Variants in SOX6 observed in about 807,000 individuals in gnomAD.
SOX6 encodes the protein transcription factor SOX-6.
Under a neutral mutation model 97.8 loss-of-function variants are expected in SOX6, and 11 were observed. The observed-to-expected ratio is 0.11, with a 90% confidence interval of 0.07 to 0.19. The LOEUF is 0.19. SOX6 is among the 10% of genes least tolerant of loss of function. The pLI is 1.00. For synonymous variants in SOX6, 360 were observed against 371.4 expected, an observed-to-expected ratio of 0.97 and a Z score of 0.35; for missense variants, 810 against 1,039.5, an observed-to-expected ratio of 0.78 and a Z score of 3.04.
chr11:16,402,367 T>A (rs1363874285), intron 1 of SOX6, among the ~76,000 whole-genome samples: 1 of 151,716 alleles, frequency 6.6e-6, no homozygotes, highest in Non-Finnish European at 1.5e-5. Context: ...TTTTATTCAG[T>A]GTGCATTTGA....
intron 1 of SOX6, among the ~76,000 whole-genome samples, chr11:16,462,345 TTC>T (rs1859947452): frequency 6.6e-6 from 1 of 152,244 alleles, no homozygotes; most frequent in South Asian, 2.1e-4. Flanking sequence ...TCACATCTGT[TTC>T]TGGTACTGTC....
chr11:16,475,365 A>G (rs1860222717), intron 1 of SOX6, among the ~76,000 whole-genome samples: 2 of 152,294 alleles, frequency 1.3e-5, no homozygotes, highest in Middle Eastern at 6.8e-3. Flanking sequence ...CAAAGTTGTC[A>G]TTCGTAGCTG....
At chr11:16,400,123 G>T (rs1858510557) in intron 1 of SOX6, among the ~76,000 whole-genome samples, 1 of 151,402 alleles carries the variant, frequency 6.6e-6, no homozygotes. Context: ...CAAGACACTG[G>T]CGAATATGAG....
At chr11:16,227,630 C>T (rs951914091) in intron 4 of SOX6, among the ~76,000 whole-genome samples, 2 of 152,066 alleles carry the variant, frequency 1.3e-5, no homozygotes, top group Admixed American at 6.6e-5. Flanking sequence ...ATACTTGAGG[C>T]ACTCTCTACT....
At chr11:16,148,069 A>G (rs1850359686) in intron 6 of SOX6, among the ~76,000 whole-genome samples, 1 of 152,202 alleles carries the variant, frequency 6.6e-6, no homozygotes, top group Non-Finnish European at 1.5e-5. Context: ...TTTTATAGCC[A>G]TTGAAATGTA....
intron 3 of SOX6, among the ~76,000 whole-genome samples, chr11:16,287,775 C>T (rs1854796138): frequency 6.6e-6 from 1 of 152,044 alleles, no homozygotes; most frequent in Non-Finnish European, 1.5e-5. Context: ...TCCTGGTATA[C>T]TCATTTATAC....
At chr11:16,337,429 C>T (rs1172030706) in intron 2 of SOX6, among the ~76,000 whole-genome samples, 1 of 152,046 alleles carries the variant, frequency 6.6e-6, no homozygotes, top group African/African-American at 2.4e-5. Context: ...AAAAATATTC[C>T]TCTCCATGCT....
chr11:16,169,884 A>C (rs2134082058), intron 6 of SOX6, among the ~76,000 whole-genome samples: 1 of 151,280 alleles, frequency 6.6e-6, no homozygotes, highest in East Asian at 2.0e-4. Flanking sequence ...TATTTCACAA[A>C]AAATTAAAAT....
chr11:16,047,134 T>C (rs1855857925), intron 11 of SOX6, among the ~76,000 whole-genome samples: 1 of 152,072 alleles, frequency 6.6e-6, no homozygotes, highest in African/African-American at 2.4e-5. Flanking sequence ...GCTGTGATAA[T>C]ACAACACAGT....
At chr11:16,409,592 C>T (rs1209381484) in intron 1 of SOX6, among the ~76,000 whole-genome samples, 1 of 152,088 alleles carries the variant, frequency 6.6e-6, no homozygotes, top group African/African-American at 2.4e-5. Flanking sequence ...TAAATTTTAA[C>T]TAATTCTATA....
chr11:16,072,168 G>A (rs568888614), intron 9 of SOX6, among the ~76,000 whole-genome samples: 9 of 152,214 alleles, frequency 5.9e-5, no homozygotes, highest in African/African-American at 1.9e-4. Flanking sequence ...TCAGGAGAAA[G>A]TCAAAACCCA....
At chr11:16,213,146 C>T (rs558787271) in intron 4 of SOX6, among the ~76,000 whole-genome samples, 3 of 151,968 alleles carry the variant, frequency 2.0e-5, no homozygotes, top group Non-Finnish European at 2.9e-5. Flanking sequence ...GCACATGGAG[C>T]TGGATACTAG....
At chr11:16,099,383 C>T (rs138281767) in intron 7 of SOX6, among the ~76,000 whole-genome samples, 1 of 151,702 alleles carries the variant, frequency 6.6e-6, no homozygotes, top group Non-Finnish European at 1.5e-5. Context: ...AATAGTATTT[C>T]TTTGGTAGAT....
At chr11:16,738,441 G>A in exon 1 of SOX6, 2 of 398,930 alleles carry the variant, frequency 5.0e-6, no homozygotes, top group Non-Finnish European at 4.7e-6. Flanking sequence ...ACACATCCGC[G>A]GGAACGCTTC....
chr11:16,187,346 GACTA>G (rs1482457289), intron 4 of SOX6, among the ~76,000 whole-genome samples: 1 of 152,130 alleles, frequency 6.6e-6, no homozygotes, highest in Non-Finnish European at 1.5e-5. Context: ...TAAGCTCAGT[GACTA>G]ACAGTATCTA....
chr11:16,624,334 C>T (rs1025178475), intron 3 of SOX6, among the ~76,000 whole-genome samples: 9 of 151,886 alleles, frequency 5.9e-5, no homozygotes, highest in East Asian at 1.9e-4. Flanking sequence ...ACTACAAGTG[C>T]GTGCCACCAC....
At chr11:16,487,794 C>G (rs1313253141) in intron 4 of SOX6, among the ~76,000 whole-genome samples, 1 of 152,128 alleles carries the variant, frequency 6.6e-6, no homozygotes, top group Non-Finnish European at 1.5e-5. Context: ...CTTCTTGTTA[C>G]CACTCTCAGT....
At chr11:16,043,036 C>A (rs1034590634) in intron 12 of SOX6, among the ~76,000 whole-genome samples, 7 of 152,088 alleles carry the variant, frequency 4.6e-5, no homozygotes, top group African/African-American at 1.7e-4. Context: ...AACATCTACC[C>A]CTTCATTAAA....
intron 2 of SOX6, among the ~76,000 whole-genome samples, chr11:16,723,291 C>A (rs1848280699): frequency 6.6e-6 from 1 of 151,834 alleles, no homozygotes; most frequent in Non-Finnish European, 1.5e-5. Context: ...CTTATGAACA[C>A]AAAGAAGGAA....
Sources: gnomAD v4.1 joint callset for allele counts (sites outside exome capture counted in the v4.1 genomes callset) on GRCh38, gnomAD v4.1.1 for gene constraint, MANE v1.5 for transcripts, NCBI Gene and HGNC (gene_info 2026-07-23, HGNC 2026-07-21) for gene names.